Variants in GLIS3 observed in about 807,000 individuals in gnomAD.
GLIS3 encodes the protein zinc finger protein GLIS3.
A neutral mutation model predicts 78.6 loss-of-function variants in GLIS3; 53 were observed. That is an observed-to-expected ratio of 0.67 (90% CI 0.54 to 0.85). The LOEUF (loss-of-function observed/expected upper bound fraction) is 0.85. Among genes scored for constraint, GLIS3 ranks in the 40% least tolerant of loss-of-function variants. The pLI is 0.00. For missense variants in GLIS3, 1,703 were observed against 1,231.1 expected, an observed-to-expected ratio of 1.38 and a Z score of -5.74; for synonymous variants, 684 against 509.9, an observed-to-expected ratio of 1.34 and a Z score of -4.60.
chr9:4,123,920 C>G (rs963402521), intron 3 of GLIS3: 5 of 395,262 alleles, frequency 1.3e-5, no homozygotes, highest in Admixed American at 4.4e-5. Context: ...ATCTCTCAAA[C>G]TGGACAGTTC....
the GLIS3 span, among the ~76,000 whole-genome samples, chr9:4,445,838 A>G: frequency 6.6e-6 from 1 of 152,188 alleles, no homozygotes; most frequent in Admixed American, 6.5e-5. Context: ...CTGCCAGTTG[A>G]GGAATCAACA....
chr9:4,344,024 T>G (rs1251367600), intron 2 of GLIS3, among the ~76,000 whole-genome samples: 1 of 152,258 alleles, frequency 6.6e-6, no homozygotes, highest in South Asian at 2.1e-4. Flanking sequence ...CAACGTACAA[T>G]TGACTCATAT....
At chr9:4,447,656 C>T in the GLIS3 span, among the ~76,000 whole-genome samples, 1 of 152,132 alleles carries the variant, frequency 6.6e-6, no homozygotes, top group Non-Finnish European at 1.5e-5. Context: ...CTAGACTGAC[C>T]TTTGCCTCCA....
chr9:3,887,953 C>A (rs1340449458), intron 7 of GLIS3, among the ~76,000 whole-genome samples: 2 of 152,192 alleles, frequency 1.3e-5, no homozygotes, highest in Non-Finnish European at 2.9e-5. Flanking sequence ...CCTACCTTTT[C>A]TGTCTTTTCT....
At chr9:4,274,757 T>G (rs1826832825) in intron 2 of GLIS3, among the ~76,000 whole-genome samples, 1 of 152,162 alleles carries the variant, frequency 6.6e-6, no homozygotes, top group African/African-American at 2.4e-5. Context: ...TGCTCACACA[T>G]CCATGAAGCC....
chr9:4,261,569 G>A (rs547173135), intron 2 of GLIS3, among the ~76,000 whole-genome samples: 91 of 152,134 alleles, frequency 6.0e-4, no homozygotes, highest in Non-Finnish European at 1.1e-3. Context: ...TAACAAAAAT[G>A]AAGTGACAAT....
chr9:3,869,021 G>T (rs1820798031), intron 8 of GLIS3, among the ~76,000 whole-genome samples: 1 of 152,084 alleles, frequency 6.6e-6, no homozygotes, highest in Admixed American at 6.6e-5. Context: ...CTATTGGCTT[G>T]GTGTCTTCCG....
intron 4 of GLIS3, among the ~76,000 whole-genome samples, chr9:4,115,010 C>A (rs1831525494): frequency 6.6e-6 from 1 of 152,172 alleles, no homozygotes; most frequent in Non-Finnish European, 1.5e-5. Flanking sequence ...TTCTCTCATG[C>A]ATGACATGAA....
rs190906942 is a variant in GLIS3, at chr9:3,929,476, A to T, written c.1983+2884T>A. On this transcript the variant is annotated intron_variant, in intron 6 of 10. Coordinates refer to ENST00000381971, the MANE Select transcript of GLIS3 (RefSeq NM_001042413.2). Reference sequence around the variant, plus strand: ...CCACGGTCAGGGCATCACTTATGAGATCCCGACCCCTCCTCACATGAATTT... The same window carrying T: ...CCACGGTCAGGGCATCACTTATGAGTTCCCGACCCCTCCTCACATGAATTT... 2.0e-3 allele frequency among the ~76,000 whole-genome samples: 298 copies of T among 152,180 alleles called. 7 individuals are homozygous for T. Among genetic ancestry groups the T allele is most frequent in the Middle Eastern group, 0.017 (5 of 294 alleles).
intron 2 of GLIS3, among the ~76,000 whole-genome samples, chr9:4,133,870 A>AC (rs1484877492): frequency 1.8e-5 from 2 of 110,506 alleles, no homozygotes; most frequent in South Asian, 5.5e-4. Flanking sequence ...ACACACACAC[A>AC]CACACCGTAC....
At chr9:4,008,807 A>G (rs1821767344) in intron 4 of GLIS3, among the ~76,000 whole-genome samples, 1 of 152,188 alleles carries the variant, frequency 6.6e-6, no homozygotes, top group African/African-American at 2.4e-5. Flanking sequence ...AACTTTAGAG[A>G]TGACTCTGTT....
intron 4 of GLIS3, among the ~76,000 whole-genome samples, chr9:3,999,183 T>G (rs771898202): frequency 6.6e-6 from 1 of 152,182 alleles, no homozygotes; most frequent in Non-Finnish European, 1.5e-5. Flanking sequence ...CCAATCTCTA[T>G]AGTCGCAGAT....
At position 4,150,034 on chromosome 9, in the gene GLIS3, G is replaced by A. The variant is rs560395534; in HGVS notation, c.389-24093C>T. Among the ~76,000 whole-genome samples the A allele has an allele frequency of 9.5e-4, 138 of 145,136 alleles. 1 individual carries two copies. The highest frequency in any genetic ancestry group is 3.9e-4 in the Non-Finnish European group (26 of 67,474). ...GAACATAATGCACGTGCGGGTGCAC[G>A]CATGCACACATAAACACACACACAC... is the stretch of plus-strand genomic sequence containing the variant. On this transcript the variant is annotated intron_variant, in intron 2 of 10. Coordinates refer to ENST00000381971, the MANE Select transcript of GLIS3 (RefSeq NM_001042413.2).
At chr9:4,190,211 G>C (rs932764479) in intron 2 of GLIS3, among the ~76,000 whole-genome samples, 3 of 152,200 alleles carry the variant, frequency 2.0e-5, no homozygotes, top group South Asian at 2.1e-4. Context: ...GAGAGTGAAG[G>C]CTTCAGACAA....
chr9:4,486,730 C>T, the GLIS3 span, among the ~76,000 whole-genome samples: 58 of 152,316 alleles, frequency 3.8e-4, no homozygotes, highest in Non-Finnish European at 6.9e-4. Flanking sequence ...CCTCTTGTCA[C>T]CCAGGCTGGA....
chr9:3,951,234 AAAGCCC>A, intron 4 of GLIS3, among the ~76,000 whole-genome samples: 1 of 152,364 alleles, frequency 6.6e-6, no homozygotes, highest in Admixed American at 6.5e-5. Context: ...CTAAAAATTC[AAAGCCC>A]AATTATTTCA....
chr9:4,064,377 G>C (rs1010917086), intron 4 of GLIS3, among the ~76,000 whole-genome samples: 2 of 152,020 alleles, frequency 1.3e-5, no homozygotes, highest in Non-Finnish European at 2.9e-5. Context: ...TGATAGCTAT[G>C]ACTACCAAAA....
At chr9:4,137,866 A>C (rs1833514889) in intron 2 of GLIS3, among the ~76,000 whole-genome samples, 1 of 152,246 alleles carries the variant, frequency 6.6e-6, no homozygotes, top group Non-Finnish European at 1.5e-5. Flanking sequence ...CAAAGAGGAA[A>C]TGTAAGCACA....
At chr9:4,389,265 C>G in the GLIS3 span, among the ~76,000 whole-genome samples, 1 of 152,186 alleles carries the variant, frequency 6.6e-6, no homozygotes, top group South Asian at 2.1e-4. Flanking sequence ...ATTTCGAAAT[C>G]AATTCTCCTA....
Sources: gnomAD v4.1 joint callset for allele counts (sites outside exome capture counted in the v4.1 genomes callset) on GRCh38, gnomAD v4.1.1 for gene constraint, MANE v1.5 for transcripts, NCBI Gene and HGNC (gene_info 2026-07-23, HGNC 2026-07-21) for gene names.